CLYBL: variants seen among roughly 807,000 people sequenced by gnomAD.
CLYBL encodes the protein citramalyl-CoA lyase, also known as citramalyl-CoA lyase, mitochondrial.
CLYBL carries 31 observed loss-of-function variants against 38.9 expected under a neutral mutation model. That is an observed-to-expected ratio of 0.80 (90% CI 0.60 to 1.08). The LOEUF is 1.08. CLYBL is among the 50% of genes least tolerant of loss of function. The pLI, the probability that CLYBL is intolerant of heterozygous loss-of-function variation, is 0.00. For synonymous variants in CLYBL, 171 were observed against 158.6 expected (o/e 1.08, Z -0.59); for missense variants, 434 against 411.6 (o/e 1.05, Z -0.47).
intron 2 of CLYBL, among the ~76,000 whole-genome samples, chr13:99,803,284 A>C (rs1373616817): frequency 6.6e-6 from 1 of 152,232 alleles, no homozygotes; most frequent in Non-Finnish European, 1.5e-5. Flanking sequence ...GTGTTGCTAC[A>C]GTCACTAAGG....
chr13:99,630,813 T>C (rs2046932829), intron 1 of CLYBL, among the ~76,000 whole-genome samples: 1 of 152,166 alleles, frequency 6.6e-6, no homozygotes, highest in Non-Finnish European at 1.5e-5. Flanking sequence ...TACATTCATA[T>C]TATCATGAGG....
At chr13:99,619,054 A>G (rs1594085759) in intron 1 of CLYBL, among the ~76,000 whole-genome samples, 1 of 152,190 alleles carries the variant, frequency 6.6e-6, no homozygotes, top group South Asian at 2.1e-4. Context: ...CCTAAAGTGG[A>G]TTTCTTTGAA....
rs192450291 is a variant in CLYBL, at chr13:99,771,797, G to T, written c.63-1027G>T. Reference sequence around the variant, plus strand: ...CCATTAATAACAACAGCAGCTGCTGGTACTCCTGCTACACCCACGACCATT... The same window carrying T: ...CCATTAATAACAACAGCAGCTGCTGTTACTCCTGCTACACCCACGACCATT... On this transcript the variant is annotated intron_variant, in intron 1 of 8. Transcript: ENST00000339105. Among the ~76,000 whole-genome samples the T allele has an allele frequency of 8.9e-4, 135 of 152,258 alleles. 1 individual carries two copies. The highest frequency in any genetic ancestry group is 3.1e-3 in the African/African-American group (129 of 41,548).
At chr13:99,617,303 A>G (rs527553117) in intron 1 of CLYBL, among the ~76,000 whole-genome samples, 69 of 151,814 alleles carry the variant, frequency 4.5e-4, no homozygotes, top group African/African-American at 1.6e-3. Flanking sequence ...TTTTTTTCCT[A>G]ATAAGGGCCT....
At chr13:99,882,619 G>A (rs139926712) in intron 7 of CLYBL, among the ~76,000 whole-genome samples, 59 of 151,994 alleles carry the variant, frequency 3.9e-4, no homozygotes, top group Middle Eastern at 3.4e-3. Flanking sequence ...AGCTGTGATC[G>A]TGCCATTGCA....
At chr13:99,885,122 G>A (rs912285) in intron 7 of CLYBL, 429,312 of 524,604 alleles carry the variant, frequency 0.82, 177,945 homozygotes, top group African/African-American at 0.93. Context: ...GAGGCCTGGC[G>A]CCTCCCCACA....
intron 1 of CLYBL, among the ~76,000 whole-genome samples, chr13:99,694,338 G>A (rs994889153): frequency 6.6e-5 from 10 of 152,226 alleles, no homozygotes; most frequent in African/African-American, 2.2e-4. Flanking sequence ...CATTTGCTGT[G>A]CACATGTATG....
chr13:99,840,144 C>T (rs2051035186), intron 2 of CLYBL, among the ~76,000 whole-genome samples: 1 of 151,670 alleles, frequency 6.6e-6, no homozygotes, highest in South Asian at 2.1e-4. Context: ...GTTATAGAGA[C>T]AAGACTAACA....
At chr13:99,757,455 T>TATTC (rs1456218778) in intron 1 of CLYBL, among the ~76,000 whole-genome samples, 3 of 152,090 alleles carry the variant, frequency 2.0e-5, no homozygotes, top group Admixed American at 2.0e-4. Context: ...ATTTTATTTT[T>TATTC]ATTTATTTAT....
chr13:99,817,259 T>TGA (rs753193950), intron 2 of CLYBL, among the ~76,000 whole-genome samples: 2 of 151,706 alleles, frequency 1.3e-5, no homozygotes, highest in Admixed American at 1.3e-4. Context: ...AATGTGTGTA[T>TGA]GAGAGAGAGA....
At chr13:99,836,532 T>C (rs560497538) in intron 2 of CLYBL, among the ~76,000 whole-genome samples, 3 of 152,322 alleles carry the variant, frequency 2.0e-5, no homozygotes, top group Non-Finnish European at 4.4e-5. Context: ...TCACAGTGTC[T>C]AGTAACTACC....
At chr13:99,844,165 C>A (rs2051147075) in intron 2 of CLYBL, among the ~76,000 whole-genome samples, 2 of 152,132 alleles carry the variant, frequency 1.3e-5, no homozygotes, top group African/African-American at 2.4e-5. Flanking sequence ...AACTCACCGA[C>A]CCTCGAGGGT....
chr13:99,720,102 T>A (rs542525839), intron 1 of CLYBL, among the ~76,000 whole-genome samples: 7 of 151,972 alleles, frequency 4.6e-5, no homozygotes, highest in African/African-American at 1.4e-4. Context: ...TTATTTTTTT[T>A]AAGTTTTATT....
chr13:99,784,344 T>A (rs532482310), intron 2 of CLYBL, among the ~76,000 whole-genome samples: 1 of 152,284 alleles, frequency 6.6e-6, no homozygotes, highest in East Asian at 1.9e-4. Context: ...ATTCTGATAC[T>A]AGGTCTGATA....
chr13:99,810,236 A>T (rs1222513981), intron 2 of CLYBL, among the ~76,000 whole-genome samples: 2 of 152,226 alleles, frequency 1.3e-5, no homozygotes, highest in Non-Finnish European at 2.9e-5. Context: ...GACATACATC[A>T]TTCCAGTGGC....
chr13:99,610,896 C>G lies in CLYBL; in HGVS notation c.62+4139C>G, dbSNP rs868078304. 2.6e-5 allele frequency among the ~76,000 whole-genome samples: 4 copies of G among 152,360 alleles called. No individual in the cohort carries two copies. In the Middle Eastern group the frequency reaches 0.01, roughly 389 times the overall value. On this transcript the variant is annotated intron_variant, in intron 1 of 8. Coordinates refer to ENST00000339105, the MANE Select transcript of CLYBL (RefSeq NM_206808.5). ...TAGCTGTGATGGTAAATAAGTACTT[C>G]TGATTGTTTGGACAAATGCCCTCCG... is the stretch of plus-strand genomic sequence containing the variant.
At chr13:99,709,086 C>T (rs1162600401) in intron 1 of CLYBL, among the ~76,000 whole-genome samples, 1 of 151,474 alleles carries the variant, frequency 6.6e-6, no homozygotes, top group African/African-American at 2.4e-5. Flanking sequence ...GAGCGAGACT[C>T]TGTCTAAAAA....
At chr13:99,705,270 T>G (rs1254522009) in intron 1 of CLYBL, among the ~76,000 whole-genome samples, 1 of 151,982 alleles carries the variant, frequency 6.6e-6, no homozygotes, top group Non-Finnish European at 1.5e-5. Flanking sequence ...CGCAAGAATA[T>G]TATTCAACCT....
intron 1 of CLYBL, among the ~76,000 whole-genome samples, chr13:99,705,387 C>T (rs963671134): frequency 6.6e-6 from 1 of 152,092 alleles, no homozygotes; most frequent in Non-Finnish European, 1.5e-5. Flanking sequence ...TTAAGACCAT[C>T]CTGACCAACA....
Sources: gnomAD v4.1 joint callset for allele counts (sites outside exome capture counted in the v4.1 genomes callset) on GRCh38, gnomAD v4.1.1 for gene constraint, MANE v1.5 for transcripts, NCBI Gene and HGNC (gene_info 2026-07-23, HGNC 2026-07-21) for gene names.